NELL2: variants seen among roughly 807,000 people sequenced by gnomAD.
The protein encoded by NELL2 is neural EGFL like 2.
NELL2 carries 41 observed loss-of-function variants against 109.6 expected under a neutral mutation model. The ratio of observed to expected loss-of-function variants is 0.37; its 90% CI spans 0.29 to 0.49. The LOEUF (loss-of-function observed/expected upper bound fraction) is 0.49, where lower values mean the gene tolerates loss of function less well. NELL2 is among the 20% of genes least tolerant of loss of function. NELL2 has a pLI of 0.98. For missense variants in NELL2, 900 were observed against 1,008.3 expected, an observed-to-expected ratio of 0.89 and a Z score of 1.45; for synonymous variants, 355 against 344.7, an observed-to-expected ratio of 1.03 and a Z score of -0.33.
At chr12:44,566,890 A>C (rs7300240) in intron 15 of NELL2, among the ~76,000 whole-genome samples, 17,077 of 151,886 alleles carry the variant, frequency 0.11, 3,199 homozygotes, top group African/African-American at 0.39. Flanking sequence ...TGGCTCACTG[A>C]AACATCCACC....
At chr12:44,670,513 A>G (rs1168745931) in intron 12 of NELL2, among the ~76,000 whole-genome samples, 1 of 151,506 alleles carries the variant, frequency 6.6e-6, no homozygotes, top group African/African-American at 2.4e-5. Context: ...ATCAATTAAA[A>G]GATATAAAAC....
At chr12:44,615,582 C>T (rs961644951) in intron 13 of NELL2, among the ~76,000 whole-genome samples, 1 of 152,002 alleles carries the variant, frequency 6.6e-6, no homozygotes, top group African/African-American at 2.4e-5. Context: ...TAATTGATTG[C>T]CCAACATATT....
chr12:44,903,655 T>G (rs1945687139), intron 1 of NELL2, among the ~76,000 whole-genome samples: 1 of 152,094 alleles, frequency 6.6e-6, no homozygotes, highest in Non-Finnish European at 1.5e-5. Context: ...CCATCAATGA[T>G]AGACTGGATA....
At chr12:44,788,462 G>C (rs1339685940) in intron 3 of NELL2, among the ~76,000 whole-genome samples, 1 of 152,184 alleles carries the variant, frequency 6.6e-6, no homozygotes, top group African/African-American at 2.4e-5. Flanking sequence ...TCAATCTAGA[G>C]AGCCTAGTCA....
In NELL2 at chr12:44,811,449, T is replaced by C. The variant is rs11182694; in HGVS notation, c.335+4537A>G. Among the ~76,000 whole-genome samples, 356 of 151,678 alleles carry C rather than the reference T, an allele frequency of 2.3e-3. 10 individuals are homozygous for C. The East Asian group carries it at 0.05, about 21-fold the overall frequency. ...GATGTAGGAAGAAATTAATGTAAACTGGAAAGGTCAGTGAAAGCTTCCTGG... is the reference window on the plus strand; with the variant it reads ...GATGTAGGAAGAAATTAATGTAAACCGGAAAGGTCAGTGAAAGCTTCCTGG... On this transcript the variant is annotated intron_variant, in intron 3 of 19. Coordinates refer to ENST00000429094, the MANE Select transcript of NELL2 (RefSeq NM_001145108.2).
chr12:44,552,834 T>C (rs1376904991), intron 15 of NELL2, among the ~76,000 whole-genome samples: 3 of 152,038 alleles, frequency 2.0e-5, no homozygotes, highest in Admixed American at 2.0e-4. Flanking sequence ...TATTTTTCCA[T>C]AGGCCAAGGA....
intron 3 of NELL2, among the ~76,000 whole-genome samples, chr12:44,787,393 A>C (rs1377971127): frequency 6.6e-6 from 1 of 152,124 alleles, no homozygotes; most frequent in Non-Finnish European, 1.5e-5. Context: ...AATAATGGCA[A>C]AAAATTTAGC....
chr12:44,753,478 T>C (rs1220728231), intron 9 of NELL2, among the ~76,000 whole-genome samples: 3 of 152,226 alleles, frequency 2.0e-5, no homozygotes, highest in Non-Finnish European at 2.9e-5. Flanking sequence ...ATTGTCAATG[T>C]GGCTCAAAAC....
chr12:44,913,630 C>T (rs1379245508), intron 1 of NELL2, among the ~76,000 whole-genome samples: 1 of 152,068 alleles, frequency 6.6e-6, no homozygotes. Flanking sequence ...TTCCCAAACT[C>T]TTAACATACT....
intron 13 of NELL2, among the ~76,000 whole-genome samples, chr12:44,654,765 G>A (rs1186826105): frequency 2.0e-5 from 3 of 152,104 alleles, no homozygotes; most frequent in East Asian, 1.9e-4. Flanking sequence ...GAGGCACCGC[G>A]GGCTGGGGAG....
At chr12:44,529,731 C>G (rs1375779605) in intron 16 of NELL2, among the ~76,000 whole-genome samples, 1 of 152,122 alleles carries the variant, frequency 6.6e-6, no homozygotes, top group African/African-American at 2.4e-5. Context: ...AGTAACTGAT[C>G]AGTTAATTTG....
chr12:44,597,038 C>T (rs1244174139), intron 15 of NELL2, among the ~76,000 whole-genome samples: 1 of 152,146 alleles, frequency 6.6e-6, no homozygotes, highest in African/African-American at 2.4e-5. Flanking sequence ...CTTAAGTGTC[C>T]TTAGCATTTC....
intron 2 of NELL2, among the ~76,000 whole-genome samples, chr12:44,839,046 T>C (rs772914337): frequency 2.6e-5 from 4 of 152,206 alleles, no homozygotes; most frequent in Non-Finnish European, 4.4e-5. Flanking sequence ...TTTAATTTTG[T>C]GCAACTCCCA....
At chr12:44,727,433 A>G (rs1390585045) in intron 9 of NELL2, among the ~76,000 whole-genome samples, 1 of 152,072 alleles carries the variant, frequency 6.6e-6, no homozygotes, top group Non-Finnish European at 1.5e-5. Context: ...ATTATTCCAG[A>G]TGCTTCTTAA....
chr12:44,764,888 C>T (rs750326783), intron 9 of NELL2, among the ~76,000 whole-genome samples: 7 of 151,952 alleles, frequency 4.6e-5, no homozygotes, highest in Non-Finnish European at 7.4e-5. Context: ...AGCTCCTGGA[C>T]AGTCAGGGAT....
chr12:44,895,932 A>G (rs1357185587), intron 1 of NELL2, among the ~76,000 whole-genome samples: 1 of 152,234 alleles, frequency 6.6e-6, no homozygotes, highest in African/African-American at 2.4e-5. Flanking sequence ...ATAATTATAT[A>G]CATTTGCAAA....
intron 3 of NELL2, among the ~76,000 whole-genome samples, chr12:44,789,677 G>A (rs1467438096): frequency 3.9e-5 from 6 of 151,930 alleles, no homozygotes; most frequent in Admixed American, 2.6e-4. Context: ...AGCTAATCAG[G>A]GAGACACCAG....
chr12:44,723,018 C>A (rs1156978122), intron 9 of NELL2, among the ~76,000 whole-genome samples: 1 of 152,050 alleles, frequency 6.6e-6, no homozygotes, highest in East Asian at 1.9e-4. Flanking sequence ...GAAACCCCGT[C>A]TCTACTAAAA....
chr12:44,707,674 C>G (rs897430803), intron 11 of NELL2, among the ~76,000 whole-genome samples: 1 of 152,096 alleles, frequency 6.6e-6, no homozygotes, highest in African/African-American at 2.4e-5. Context: ...CTAATACCAA[C>G]GGATTTCTTT....
Sources: gnomAD v4.1 joint callset for allele counts (sites outside exome capture counted in the v4.1 genomes callset) on GRCh38, gnomAD v4.1.1 for gene constraint, MANE v1.5 for transcripts, NCBI Gene and HGNC (gene_info 2026-07-23, HGNC 2026-07-21) for gene names.